Variants in TNFRSF1B observed in about 807,000 individuals in gnomAD.
The protein encoded by TNFRSF1B is TNF receptor superfamily member 1B.
In TNFRSF1B, 19 loss-of-function variants were observed where a neutral mutation model predicts 44.6. That is an observed-to-expected ratio of 0.43 (90% CI 0.30 to 0.62). The LOEUF is 0.62. Ranked by LOEUF, TNFRSF1B falls within the 20% of genes least tolerant of loss-of-function variation. TNFRSF1B has a pLI of 0.16. For synonymous variants in TNFRSF1B, 252 were observed against 261.1 expected (o/e 0.97, Z 0.34); for missense variants, 541 against 619.9 (o/e 0.87, Z 1.35).
At chr1:12,201,820 G>A in intron 8 of TNFRSF1B, 147 bp from the exon 9 acceptor site, 1 of 1,186,232 alleles carries the variant, frequency 8.4e-7, no homozygotes, top group Admixed American at 2.9e-5. Flanking sequence ...GCCGTGTGTG[G>A]AAAGAACGTG....
rs765439526 is a variant in TNFRSF1B, at chr1:12,191,723, T to A, written c.308-51T>A. 1.9e-5 allele frequency: 30 copies of A among 1,609,626 alleles called. 1 individual carries two copies. Among genetic ancestry groups the A allele is most frequent in the Non-Finnish European group, 5.1e-6 (6 of 1,178,190 alleles). The stretch of plus-strand genomic sequence containing the variant: ...TGCTGGGCTGTCTGGGAGGGCAGCG[T>A]GGGTGTGGCGGAGGCAGGCGTGACC... On this transcript the variant is annotated intron_variant, in intron 3 of 9. Transcript: ENST00000376259.
chr1:12,168,362 A>G lies in TNFRSF1B; in HGVS notation c.78+1193A>G, dbSNP rs543524184. On this transcript the variant is annotated intron_variant, in intron 1 of 9. Coordinates refer to ENST00000376259, the MANE Select transcript of TNFRSF1B (RefSeq NM_001066.3). This position sits in a 1 kb window ranked among gnomAD's most constrained non-coding sequence, Gnocchi z 4.7. ...TTGTGGGTGGAAGATGGGGGCTGTC[A>G]GACTAGAATTGACTCACCGACAGTG... is the stretch of plus-strand genomic sequence containing the variant. Among the ~76,000 whole-genome samples the G allele has an allele frequency of 3.1e-4, 47 of 152,310 alleles. No individual in the cohort carries two copies. The highest frequency in any genetic ancestry group is 1.0e-3 in the African/African-American group (43 of 41,576).
chr1:12,179,426 C>T (rs763768123), intron 1 of TNFRSF1B, among the ~76,000 whole-genome samples: 18 of 152,222 alleles, frequency 1.2e-4, no homozygotes, highest in Non-Finnish European at 2.5e-4. Context: ...TGCCTCCCAC[C>T]ACGCCCTAGG....
rs997854411 is a variant in TNFRSF1B, at chr1:12,178,307, G to A, written c.79-10489G>A. Among the ~76,000 whole-genome samples, 6 of 152,194 alleles carry A rather than the reference G, an allele frequency of 3.9e-5. No homozygotes were observed. Among genetic ancestry groups the A allele is most frequent in the Non-Finnish European group, 8.8e-5 (6 of 68,020 alleles). On this transcript the variant is annotated intron_variant, in intron 1 of 9. Transcript: ENST00000376259. This position sits in a 1 kb window ranked among gnomAD's most constrained non-coding sequence, Gnocchi z 4.3. ...GTAGGGTGATGAGTAGCAGAAGCAC[G>A]GGTGACACTGAGCTCTTTCCACTGC...
chr1:12,207,286 G>T lies in TNFRSF1B; in HGVS notation c.*266G>T, dbSNP rs1639527653. The T allele has an allele frequency of 5.0e-6, 2 of 398,900 alleles. No homozygotes were observed. The highest frequency in any genetic ancestry group is 8.9e-6 in the Non-Finnish European group (2 of 225,670). The allele number at this position is 398,900 out of a possible 1,614,324, so 24.7% of individuals were successfully genotyped here. On this transcript the variant is annotated 3_prime_UTR_variant, in exon 10 of 10. Coordinates refer to ENST00000376259, the MANE Select transcript of TNFRSF1B (RefSeq NM_001066.3). ...GCATGGACGTTCGGGGCATGCTGGG[G>T]CAAGTCCCTGACTCTCTGTGACCTG...
chr1:12,192,622 T>A, intron 5 of TNFRSF1B, 98 bp downstream of exon 5: 1 of 1,243,974 alleles, frequency 8.0e-7, no homozygotes, highest in Non-Finnish European at 1.2e-6. Context: ...ACCACCATTG[T>A]CCAGACTGCT....
In TNFRSF1B at chr1:12,206,870, C is replaced by G. The variant is rs139665575; in HGVS notation, c.1236C>G (p.Pro412=). The change falls in exon 10 of 10, where the codon CCC becomes CCG. Residue 412 remains proline, a synonymous_variant. Coordinates refer to ENST00000376259, the MANE Select transcript of TNFRSF1B (RefSeq NM_001066.3). Reference sequence around the variant, plus strand: ...CAATGGGAGACACAGATTCCAGCCCCTCGGAGTCCCCGAAGGACGAGCAGG... The same window carrying G: ...CAATGGGAGACACAGATTCCAGCCCGTCGGAGTCCCCGAAGGACGAGCAGG... The part of the protein sequence containing the change: ...SSTMGDTDSS[P]SESPKDEQVP... The G allele has an allele frequency of 1.4e-5, 22 of 1,614,250 alleles. No individual in the cohort carries two copies. Among genetic ancestry groups the G allele is most frequent in the Non-Finnish European group, 1.8e-5 (21 of 1,180,040 alleles).
chr1:12,179,579 C>CTTTT (rs1638745019), intron 1 of TNFRSF1B, among the ~76,000 whole-genome samples: 2 of 152,206 alleles, frequency 1.3e-5, no homozygotes, highest in Admixed American at 6.5e-5. Flanking sequence ...CCTGGAGACC[C>CTTTT]TTTTGCCTGG....
At chr1:12,172,860 G>A (rs1041845166) in intron 1 of TNFRSF1B, among the ~76,000 whole-genome samples, 5 of 152,196 alleles carry the variant, frequency 3.3e-5, no homozygotes, top group Non-Finnish European at 5.9e-5. Flanking sequence ...GGTACATTTG[G>A]TGAAGCACAG....
intron 2 of TNFRSF1B, 135 bp from the exon 3 acceptor site, chr1:12,190,822 C>T: frequency 1.9e-6 from 2 of 1,040,148 alleles, no homozygotes; most frequent in Non-Finnish European, 2.8e-6. Flanking sequence ...GGAGATGATT[C>T]TGAGGAATTG....
chr1:12,204,743 GTAAACGCCTGAATTTTAA>G (rs1156720702), intron 9 of TNFRSF1B, among the ~76,000 whole-genome samples: 1 of 152,142 alleles, frequency 6.6e-6, no homozygotes, highest in East Asian at 1.9e-4. Context: ...ATTTTTAAAT[GTAAACGCCTGAATTTTAA>G]ATGTTGGTAA....
intron 1 of TNFRSF1B, among the ~76,000 whole-genome samples, chr1:12,181,789 C>T (rs892554091): frequency 2.0e-5 from 3 of 152,190 alleles, no homozygotes; most frequent in African/African-American, 7.2e-5. Flanking sequence ...GGCCCAGGAC[C>T]AGCCCAACTC....
rs1469636383 is a variant in TNFRSF1B at position 12,207,782 on chromosome 1, C to A, written c.*762C>A. ...GAAATTAGCCGGGCGTGGTGGCGGGCACCTATAGTCCCAGCTACTCAGAAG... is the reference window on the plus strand; with the variant it reads ...GAAATTAGCCGGGCGTGGTGGCGGGAACCTATAGTCCCAGCTACTCAGAAG... On this transcript the variant is annotated 3_prime_UTR_variant, in exon 10 of 10. Transcript: ENST00000376259. The A allele has an allele frequency of 6.6e-6, 1 of 152,212 alleles. No homozygotes were observed. Among genetic ancestry groups the A allele is most frequent in the East Asian group, 1.9e-4 (1 of 5,196 alleles). 9.4% of individuals were successfully genotyped at this position (152,212 alleles called of 1,614,324 possible).
chr1:12,174,983 C>T (rs565717480), intron 1 of TNFRSF1B, among the ~76,000 whole-genome samples: 4 of 152,356 alleles, frequency 2.6e-5, no homozygotes, highest in East Asian at 1.9e-4. Context: ...AGTGGCCCAC[C>T]GTCTGCTTCA....
In TNFRSF1B at chr1:12,206,823, T is replaced by G. The variant is rs1361425049; in HGVS notation, c.1189T>G (p.Cys397Gly). The G allele has an allele frequency of 3.7e-6, 6 of 1,614,012 alleles. No homozygotes were observed. Among genetic ancestry groups the G allele is most frequent in the Admixed American group, 3.3e-5 (2 of 60,010 alleles). ...TAGCAGCTCTGACCACAGCTCACAG[T>G]GCTCCTCCCAAGCCAGCTCCACAAT... ...VCSSSDHSSQ[C>G]SSQASSTMGD... Residue 397 changes from cysteine (C) to glycine (G), a missense_variant, in exon 10 of 10, where the codon TGC becomes GGC. Physicochemically the swap from Cys to Gly is radical, Grantham distance 159 (BLOSUM62 -3). Transcript: ENST00000376259.
intron 1 of TNFRSF1B, among the ~76,000 whole-genome samples, chr1:12,179,501 T>TGG (rs1447559962): frequency 1.3e-5 from 2 of 152,202 alleles, no homozygotes; most frequent in African/African-American, 4.8e-5. Flanking sequence ...TTCCTCTGTG[T>TGG]GGGGGTCCCT....
chr1:12,200,244 C>G (rs1639356240), intron 8 of TNFRSF1B, among the ~76,000 whole-genome samples: 1 of 151,912 alleles, frequency 6.6e-6, no homozygotes, highest in South Asian at 2.1e-4. Flanking sequence ...CATTGGGTGG[C>G]ACTCAAATGT....
At chr1:12,194,846 C>T (rs777870627) in intron 8 of TNFRSF1B, among the ~76,000 whole-genome samples, 12 of 152,202 alleles carry the variant, frequency 7.9e-5, no homozygotes, top group Admixed American at 2.0e-4. Context: ...TCGTGGCGTT[C>T]GTGGCAGGCA....
chr1:12,193,297 A>T (rs1639192834), intron 6 of TNFRSF1B, 199 bp downstream of exon 6: 2 of 695,444 alleles, frequency 2.9e-6, no homozygotes, highest in East Asian at 5.4e-5. Flanking sequence ...CGTGGGCTGG[A>T]TGCAGTGGCT....
Sources: allele counts gnomAD v4.1 joint callset (sites outside exome capture counted in the v4.1 genomes callset), GRCh38; gene constraint gnomAD v4.1.1; non-coding constraint Gnocchi (gnomAD v3.1); transcripts MANE v1.5; gene names NCBI Gene and HGNC (gene_info 2026-07-23, HGNC 2026-07-21).